Variants in TSPAN18 observed in about 807,000 individuals in gnomAD.
The protein encoded by TSPAN18 is tetraspanin-18.
A neutral mutation model predicts 27.3 loss-of-function variants in TSPAN18; 14 were observed. That is an observed-to-expected ratio of 0.51 (90% CI 0.34 to 0.80). The LOEUF (loss-of-function observed/expected upper bound fraction) is 0.80. Ranked by LOEUF, TSPAN18 falls within the 30% of genes least tolerant of loss-of-function variation. TSPAN18 has a pLI of 0.01. For missense variants in TSPAN18, 268 were observed against 323.9 expected (o/e 0.83, Z 1.32); for synonymous variants, 143 against 136.5 (o/e 1.05, Z -0.33).
intron 3 of TSPAN18, among the ~76,000 whole-genome samples, chr11:44,879,675 C>T (rs1416297086): frequency 6.6e-6 from 1 of 152,184 alleles, no homozygotes; most frequent in Non-Finnish European, 1.5e-5. Flanking sequence ...CGGAGGTAAG[C>T]CCAACAAGGC....
intron 3 of TSPAN18, among the ~76,000 whole-genome samples, chr11:44,874,078 C>A (rs762074962): frequency 5.9e-5 from 9 of 152,130 alleles, no homozygotes; most frequent in African/African-American, 1.2e-4. Flanking sequence ...GTGGGAAAGA[C>A]CCCTGTATAA....
chr11:44,729,007 A>G (rs1854586843), intron 1 of TSPAN18, among the ~76,000 whole-genome samples: 1 of 152,094 alleles, frequency 6.6e-6, no homozygotes, highest in Non-Finnish European at 1.5e-5. Flanking sequence ...CCATGTCCTT[A>G]ATGTCCCTTA....
intron 3 of TSPAN18, among the ~76,000 whole-genome samples, chr11:44,901,920 G>C (rs12364175): frequency 0.073 from 11,142 of 152,272 alleles, 544 homozygotes; most frequent in South Asian, 0.12. Flanking sequence ...GAGATTAAAG[G>C]CAGTCAGTTC....
chr11:44,808,598 G>A (rs1565159160), intron 2 of TSPAN18, among the ~76,000 whole-genome samples: 1 of 152,226 alleles, frequency 6.6e-6, no homozygotes, highest in Non-Finnish European at 1.5e-5. Context: ...TTGGGGGAGG[G>A]AGGTGAGGAC....
intron 3 of TSPAN18, among the ~76,000 whole-genome samples, chr11:44,892,149 C>T (rs965487360): frequency 6.6e-6 from 1 of 152,176 alleles, no homozygotes; most frequent in Non-Finnish European, 1.5e-5. Flanking sequence ...GTGCTTATAC[C>T]ATCTCCCAGA....
intron 2 of TSPAN18, among the ~76,000 whole-genome samples, chr11:44,847,383 AT>A (rs1330874303): frequency 6.6e-6 from 1 of 152,182 alleles, no homozygotes; most frequent in Non-Finnish European, 1.5e-5. Context: ...TTGAGGCAAA[AT>A]TTACATAACA....
chr11:44,924,226 T>TGGTAATCCTA, intron 8 of TSPAN18, among the ~76,000 whole-genome samples: 1 of 152,000 alleles, frequency 6.6e-6, no homozygotes, highest in African/African-American at 2.4e-5. Context: ...CGGTAATCCT[T>TGGTAATCCTA]GGTAATCCTA....
intron 7 of TSPAN18, chr11:44,919,603 G>T: frequency 1.6e-6 from 1 of 619,078 alleles, no homozygotes; most frequent in Middle Eastern, 4.3e-4. Context: ...GGTGAGGTAG[G>T]AATTGTTACT....
At chr11:44,817,313 A>G (rs1486063487) in intron 2 of TSPAN18, among the ~76,000 whole-genome samples, 4 of 152,244 alleles carry the variant, frequency 2.6e-5, no homozygotes, top group Admixed American at 2.0e-4. Context: ...AAAAGATTCC[A>G]AAGCTCAGTG....
chr11:44,900,577 T>C (rs1023894757), intron 3 of TSPAN18, among the ~76,000 whole-genome samples: 4 of 151,976 alleles, frequency 2.6e-5, no homozygotes, highest in Admixed American at 6.6e-5. Context: ...TTGTGTGTGT[T>C]CCCTGGCACA....
At chr11:44,921,199 G>A (rs544634422) in intron 8 of TSPAN18, among the ~76,000 whole-genome samples, 2 of 152,352 alleles carry the variant, frequency 1.3e-5, no homozygotes, top group East Asian at 3.9e-4. Flanking sequence ...GCCCTGAGTT[G>A]AGGCCACTGT....
chr11:44,793,954 T>C (rs1795078744), intron 2 of TSPAN18, among the ~76,000 whole-genome samples: 1 of 152,126 alleles, frequency 6.6e-6, no homozygotes, highest in South Asian at 2.1e-4. Flanking sequence ...CCGCCTGTAT[T>C]TTTTTCTGAA....
intron 3 of TSPAN18, among the ~76,000 whole-genome samples, chr11:44,895,555 G>A (rs955000865): frequency 1.3e-5 from 2 of 152,208 alleles, no homozygotes; most frequent in Admixed American, 6.5e-5. Context: ...TAGGATGGGG[G>A]CTCACAGAGG....
intron 2 of TSPAN18, among the ~76,000 whole-genome samples, chr11:44,798,306 G>T (rs984571713): frequency 2.6e-5 from 4 of 152,236 alleles, no homozygotes; most frequent in Non-Finnish European, 5.9e-5. Flanking sequence ...CGTCTTTCAT[G>T]TAAGGCTCAC....
chr11:44,795,542 G>A (rs757126852), intron 2 of TSPAN18, among the ~76,000 whole-genome samples: 13 of 152,254 alleles, frequency 8.5e-5, no homozygotes, highest in East Asian at 1.9e-4. Context: ...TAGTCCAAGC[G>A]AGTTCTGGCG....
At chr11:44,831,149 A>T (rs920154768) in intron 2 of TSPAN18, among the ~76,000 whole-genome samples, 6 of 152,160 alleles carry the variant, frequency 3.9e-5, no homozygotes, top group Non-Finnish European at 7.3e-5. Flanking sequence ...CAAACAAAAC[A>T]AAATGCCACT....
chr11:44,908,801 AAG>A (rs1491539259), intron 4 of TSPAN18, among the ~76,000 whole-genome samples: 1 of 115,492 alleles, frequency 8.7e-6, no homozygotes, highest in African/African-American at 3.5e-5. Flanking sequence ...GAAAGAAAGA[AAG>A]AAAGAAAGAA....
At chr11:44,885,087 G>A (rs1858603683) in intron 3 of TSPAN18, among the ~76,000 whole-genome samples, 1 of 152,182 alleles carries the variant, frequency 6.6e-6, no homozygotes, top group Non-Finnish European at 1.5e-5. Flanking sequence ...AGCTGTGATG[G>A]ATACAATATG....
intron 1 of TSPAN18, among the ~76,000 whole-genome samples, chr11:44,763,120 G>T (rs1855491205): frequency 6.6e-6 from 1 of 152,166 alleles, no homozygotes; most frequent in African/African-American, 2.4e-5. Flanking sequence ...TTTCTCCTGG[G>T]GTTGTAAGGG....
Sources: gnomAD v4.1 joint callset for allele counts (sites outside exome capture counted in the v4.1 genomes callset) on GRCh38, gnomAD v4.1.1 for gene constraint, MANE v1.5 for transcripts, NCBI Gene and HGNC (gene_info 2026-07-23, HGNC 2026-07-21) for gene names.